Variants in PATL1 observed in about 807,000 individuals in gnomAD.
PATL1 encodes the protein PAT1 homolog 1, processing body mRNA decay factor.
PATL1 carries 32 observed loss-of-function variants against 100.6 expected under a neutral mutation model. That is an observed-to-expected ratio of 0.32 (90% CI 0.24 to 0.43). The LOEUF (loss-of-function observed/expected upper bound fraction) is 0.43. PATL1 is among the 20% of genes least tolerant of loss of function. The pLI, the probability that PATL1 is intolerant of heterozygous loss-of-function variation, is 1.00. For synonymous variants in PATL1, 332 were observed against 330.0 expected (o/e 1.01, Z -0.07); for missense variants, 747 against 949.9 (o/e 0.79, Z 2.81).
intron 5 of PATL1, 79 bp from the exon 6 acceptor site, chr11:59,656,679 T>C (rs1861540629): frequency 8.1e-7 from 1 of 1,240,140 alleles, no homozygotes; most frequent in Non-Finnish European, 1.2e-6. Context: ...CCTCAAGTAC[T>C]GGTAGAGACA....
At chr11:59,653,793 C>T (rs763543518) in intron 9 of PATL1, among the ~76,000 whole-genome samples, 190 bp downstream of exon 9, 4 of 152,082 alleles carry the variant, frequency 2.6e-5, no homozygotes, top group Non-Finnish European at 4.4e-5. Context: ...ATAAATGGTA[C>T]ATATAATTCT....
At chr11:59,653,931 T>C (rs1590700346) in intron 9 of PATL1, 52 bp downstream of exon 9, 4 of 1,504,666 alleles carry the variant, frequency 2.7e-6, no homozygotes, top group Admixed American at 3.4e-5. Flanking sequence ...GTTACACTGT[T>C]AAAATTAAAA....
At position 59,664,758 on chromosome 11, in the gene PATL1, AAG is replaced by A. The variant is rs1173840823; in HGVS notation, c.127+2093_127+2094del. 3.9e-5 allele frequency among the ~76,000 whole-genome samples: 6 copies of A among 152,102 alleles called. No individual in the cohort carries two copies. The East Asian group carries it at 1.2e-3, about 29-fold the overall frequency. Reference sequence around the variant, plus strand: ...TTTTTCAAAAAAAATTTTGTGGAGAAAGAGTCTCACTATGTTGCCGAGGATGG... The same window carrying A: ...TTTTTCAAAAAAAATTTTGTGGAGAAAGTCTCACTATGTTGCCGAGGATGG... On this transcript the variant is annotated intron_variant, in intron 2 of 18. Coordinates refer to ENST00000300146, the MANE Select transcript of PATL1 (RefSeq NM_152716.3).
intron 2 of PATL1, among the ~76,000 whole-genome samples, chr11:59,660,477 A>T (rs1861612458): frequency 6.6e-6 from 1 of 152,238 alleles, no homozygotes; most frequent in Non-Finnish European, 1.5e-5. Flanking sequence ...CCTCATTGAG[A>T]AGATGACATT....
intron 5 of PATL1, chr11:59,656,939 G>T: frequency 2.9e-6 from 1 of 349,596 alleles, no homozygotes; most frequent in Non-Finnish European, 4.0e-6. Context: ...TGATAAGAAA[G>T]CTGGAGGATT....
chr11:59,651,040 G>C (rs2134747431), intron 12 of PATL1, among the ~76,000 whole-genome samples: 1 of 152,210 alleles, frequency 6.6e-6, no homozygotes, highest in South Asian at 2.1e-4. Flanking sequence ...CCTTAGTAGA[G>C]GATAAGGAAA....
rs1344727457 is a variant in PATL1, at chr11:59,638,563, G to C, written c.2292-152C>G. On this transcript the variant is annotated intron_variant, in intron 18 of 18. Coordinates refer to ENST00000300146, the MANE Select transcript of PATL1 (RefSeq NM_152716.3). ...TTAGCATTTGGTCATCTTTTATGAA[G>C]GCCCTGTTGTACCCAGTTCAGTGTT... Among the ~76,000 whole-genome samples, 3 of 152,118 alleles carry C rather than the reference G, an allele frequency of 2.0e-5. 1 individual carries two copies. The South Asian group carries it at 6.2e-4, about 32-fold the overall frequency.
intron 15 of PATL1, 36 bp from the exon 16 acceptor site, chr11:59,643,071 C>T (rs753546605): frequency 2.5e-6 from 4 of 1,598,084 alleles, no homozygotes; most frequent in Admixed American, 3.4e-5. Flanking sequence ...TATCCTGGCA[C>T]GTGTTACTTC....
rs1291080380 is a variant in PATL1 at position 59,659,412 on chromosome 11, A to G, written c.185T>C (p.Val62Ala). 15 of 1,551,368 alleles carry G rather than the reference A, an allele frequency of 9.7e-6. No homozygotes were observed. Among genetic ancestry groups the G allele is most frequent in the Non-Finnish European group, 1.3e-5 (15 of 1,146,904 alleles). Residue 62 changes from valine to alanine, a missense_variant, in exon 3 of 19, where the codon GTG becomes GCG. Val to Ala is a moderately conservative substitution (Grantham distance 64). Around this residue, in one of 4 missense-constraint regions of PATL1, gnomAD observed 183 missense variants for 221.2 expected, o/e 0.83. Coordinates refer to ENST00000300146, the MANE Select transcript of PATL1 (RefSeq NM_152716.3). ...RLAELEEKLP[V>A]AVNEQTGNGE... ...ATTGCCTGTTTGTTCATTAACTGCCACTGGTAGCTTTTCTTCCAATTCAGC... is the reference window on the plus strand; with the variant it reads ...ATTGCCTGTTTGTTCATTAACTGCCGCTGGTAGCTTTTCTTCCAATTCAGC...
At chr11:59,651,435 G>T (rs556662972) in intron 12 of PATL1, 109 bp downstream of exon 12, 2 of 799,396 alleles carry the variant, frequency 2.5e-6, no homozygotes, top group South Asian at 1.7e-5. Context: ...GGGAGGCCCC[G>T]GGTTAGACTA....
Position 59,643,012 on chromosome 11 carries a change from G to A in PATL1, c.1917C>T (p.Pro639=), listed in dbSNP as rs748344461. The stretch of plus-strand genomic sequence containing the variant: ...GAAGATGATAGAGAAGGAGAGAGAA[G>A]GGACTCAGTAAGCATGGCAGCACCT... The part of the protein sequence containing the change: ...QDEVLPCLLS[P]FSLLLYHLPS... Residue 639 remains proline (P), a synonymous_variant, in exon 16 of 19, where the codon CCC becomes CCT. Transcript: ENST00000300146. The A allele has an allele frequency of 2.6e-5, 42 of 1,613,870 alleles. No individual in the cohort carries two copies. In the South Asian group the frequency reaches 4.0e-4, roughly 15 times the overall value.
At chr11:59,644,909 TAA>T (rs1554983880) in intron 15 of PATL1, among the ~76,000 whole-genome samples, 23 of 111,536 alleles carry the variant, frequency 2.1e-4, no homozygotes, top group African/African-American at 9.2e-4. Context: ...TTTTTTTTTT[TAA>T]AAAAAAAAAA....
chr11:59,656,462 C>G, intron 6 of PATL1, 37 bp downstream of exon 6: 1 of 1,526,466 alleles, frequency 6.6e-7, no homozygotes, highest in Non-Finnish European at 9.1e-7. Context: ...TCAGAAAATA[C>G]ATACTGCACA....
chr11:59,638,655 C>A (rs188617654), intron 18 of PATL1, among the ~76,000 whole-genome samples: 2 of 151,846 alleles, frequency 1.3e-5, no homozygotes, highest in Admixed American at 1.3e-4. Flanking sequence ...CAGTTTTATT[C>A]CCCCCTCCAC....
chr11:59,659,537 G>GTTT, intron 2 of PATL1, 68 bp from the exon 3 acceptor site: 121 of 1,128,414 alleles, frequency 1.1e-4, no homozygotes, highest in Middle Eastern at 2.3e-4. Context: ...CACAATTATT[G>GTTT]TTTTTTTTTT....
rs1390213708 is a variant in PATL1, at chr11:59,652,957, G to T, written c.1183C>A (p.His395Asn). The T allele has an allele frequency of 1.9e-6, 3 of 1,613,972 alleles. No homozygotes were observed. The highest frequency in any genetic ancestry group is 2.2e-5 in the South Asian group (2 of 91,074). Residue 395 changes from histidine (H) to asparagine (N), a missense_variant, in exon 10 of 19, where the codon CAT becomes AAT. His to Asn is a moderately conservative substitution (Grantham distance 68). Transcript: ENST00000300146. ...TTGGCATATGGATCCTTTCGGAGAT[G>T]ATCTTGATGACTGCTCCGGTGACTT... ...RGSHRSSHQD[H>N]LRKDPYANLM...
At chr11:59,644,329 T>C (rs1452655439) in intron 15 of PATL1, among the ~76,000 whole-genome samples, 1 of 151,832 alleles carries the variant, frequency 6.6e-6, no homozygotes, top group East Asian at 1.9e-4. Context: ...TTTTTCTTCA[T>C]AGACCATTTC....
chr11:59,649,407 T>G, intron 14 of PATL1, 55 bp downstream of exon 14: 1 of 1,585,660 alleles, frequency 6.3e-7, no homozygotes, highest in Non-Finnish European at 8.6e-7. Context: ...TGAAATCCAG[T>G]TATGACAGAG....
intron 16 of PATL1, among the ~76,000 whole-genome samples, chr11:59,640,154 C>G (rs982127673): frequency 1.3e-5 from 2 of 149,770 alleles, no homozygotes; most frequent in African/African-American, 4.9e-5. Context: ...CCAGCCTGAT[C>G]AAAATGGTGA....
Sources: allele counts gnomAD v4.1 joint callset (sites outside exome capture counted in the v4.1 genomes callset), GRCh38; gene constraint gnomAD v4.1.1; regional missense constraint gnomAD v4.1.1; transcripts MANE v1.5; gene names NCBI Gene and HGNC (gene_info 2026-07-23, HGNC 2026-07-21).